Variants in RCOR1 observed in about 807,000 individuals in gnomAD.
The protein encoded by RCOR1 is REST corepressor.
In RCOR1, 12 loss-of-function variants were observed where a neutral mutation model predicts 64.0. That is an observed-to-expected ratio of 0.19 (90% CI 0.12 to 0.30). The LOEUF is 0.30. RCOR1 is among the 10% of genes least tolerant of loss of function. RCOR1 has a pLI of 1.00. For missense variants in RCOR1, 502 were observed against 621.2 expected, an observed-to-expected ratio of 0.81 and a Z score of 2.04; for synonymous variants, 279 against 227.2, an observed-to-expected ratio of 1.23 and a Z score of -2.05.
At chr14:102,622,239 A>G (rs1177201994) in intron 2 of RCOR1, among the ~76,000 whole-genome samples, 1 of 152,166 alleles carries the variant, frequency 6.6e-6, no homozygotes, top group Admixed American at 6.5e-5. Context: ...TAAAATCATA[A>G]CTAAAACCTG....
Position 102,708,470 on chromosome 14 carries a change from A to G in RCOR1, c.666A>G (p.Pro222=). Residue 222 remains proline (P), a synonymous_variant, in exon 6 of 12, where the codon CCA becomes CCG. Transcript: ENST00000262241. The part of the protein sequence containing the change: ...KTFHRIQQML[P]DKSIASLVKF... ...AACTCATTTTTTATGTTTAGCTTCC[A>G]GATAAATCTATAGCAAGTCTGGTGA... 3 of 1,491,812 alleles carry G rather than the reference A, an allele frequency of 2.0e-6. No homozygotes were observed. Among genetic ancestry groups the G allele is most frequent in the Non-Finnish European group, 2.8e-6 (3 of 1,070,194 alleles). The allele number at this position is 1,491,812 out of a possible 1,614,324, so 92.4% of individuals were successfully genotyped here.
intron 2 of RCOR1, among the ~76,000 whole-genome samples, chr14:102,632,568 C>T (rs1894137072): frequency 6.6e-6 from 1 of 151,874 alleles, no homozygotes; most frequent in Non-Finnish European, 1.5e-5. Flanking sequence ...CTTTTTTCCC[C>T]CCTGCAAGGG....
At chr14:102,613,625 G>T (rs1411494479) in intron 2 of RCOR1, among the ~76,000 whole-genome samples, 1 of 151,424 alleles carries the variant, frequency 6.6e-6, no homozygotes, top group Admixed American at 6.6e-5. Context: ...GTAGAGACGG[G>T]GTTTCACCAT....
At chr14:102,679,371 A>T (rs1895256262) in intron 2 of RCOR1, among the ~76,000 whole-genome samples, 1 of 152,134 alleles carries the variant, frequency 6.6e-6, no homozygotes, top group Non-Finnish European at 1.5e-5. Context: ...CATTTGTTGA[A>T]AAGATTATTA....
intron 7 of RCOR1, among the ~76,000 whole-genome samples, chr14:102,711,381 C>G (rs1440162848): frequency 1.3e-5 from 2 of 152,226 alleles, no homozygotes; most frequent in African/African-American, 4.8e-5. Flanking sequence ...TCTGCCCATC[C>G]TAGGCACCCA....
chr14:102,645,071 T>G (rs1894452738), intron 2 of RCOR1, among the ~76,000 whole-genome samples: 2 of 152,252 alleles, frequency 1.3e-5, no homozygotes, highest in Non-Finnish European at 2.9e-5. Context: ...GAAAATTTTG[T>G]GGGCTCTCTC....
intron 2 of RCOR1, among the ~76,000 whole-genome samples, chr14:102,648,186 C>A (rs544799740): frequency 6.6e-6 from 1 of 152,048 alleles, no homozygotes; most frequent in East Asian, 1.9e-4. Flanking sequence ...TCAGACAATT[C>A]TCCTGCCTCA....
chr14:102,595,745 A>C (rs756099690), intron 2 of RCOR1, among the ~76,000 whole-genome samples: 4 of 151,626 alleles, frequency 2.6e-5, no homozygotes, highest in Non-Finnish European at 5.9e-5. Flanking sequence ...ACTCCTGGCT[A>C]ATTTTTTGTA....
intron 3 of RCOR1, among the ~76,000 whole-genome samples, chr14:102,698,695 C>T (rs568151502): frequency 5.9e-5 from 9 of 152,276 alleles, no homozygotes; most frequent in African/African-American, 2.2e-4. Flanking sequence ...AGCTGGCCTG[C>T]TGTCTGTTTC....
At chr14:102,672,584 C>CTTTA in intron 2 of RCOR1, among the ~76,000 whole-genome samples, 1 of 152,266 alleles carries the variant, frequency 6.6e-6, no homozygotes, top group South Asian at 2.1e-4. Context: ...AATAATCTGA[C>CTTTA]TAAAAACAGG....
At chr14:102,635,011 T>C (rs1894208017) in intron 2 of RCOR1, among the ~76,000 whole-genome samples, 1 of 151,852 alleles carries the variant, frequency 6.6e-6, no homozygotes, top group South Asian at 2.1e-4. Context: ...CCTGGCCTTT[T>C]TTTAAAGAGA....
In RCOR1 at chr14:102,727,584, T is replaced by G. The variant is rs565527641; in HGVS notation, c.*1078T>G. On this transcript the variant is annotated 3_prime_UTR_variant, in exon 12 of 12. Transcript: ENST00000262241. Reference sequence around the variant, plus strand: ...CCGCGTTCTCTCGGTGTGCCTGGCCTTTTATGTGGCACTCTGTATGTCAGT... The same window carrying G: ...CCGCGTTCTCTCGGTGTGCCTGGCCGTTTATGTGGCACTCTGTATGTCAGT... 1.3e-5 allele frequency: 2 copies of G among 152,308 alleles called. No individual in the cohort carries two copies. Among genetic ancestry groups the G allele is most frequent in the South Asian group, 2.1e-4 (1 of 4,800 alleles). The allele number at this position is 152,308 out of a possible 1,614,324, so 9.4% of individuals were successfully genotyped here.
rs148615912 is a variant in RCOR1 at position 102,657,036 on chromosome 14, A to G, written c.362-24859A>G. On this transcript the variant is annotated intron_variant, in intron 2 of 11. Coordinates refer to ENST00000262241, the MANE Select transcript of RCOR1 (RefSeq NM_015156.4). ...GTGATCCACCCGCATCAGCCTCCCA[A>G]AGTGCTGGGATTATAAGCGTGAATC... 61 of 955,288 alleles carry G rather than the reference A, an allele frequency of 6.4e-5. No individual in the cohort carries two copies. The African/African-American group carries it at 9.9e-4, about 15-fold the overall frequency. 59.2% of individuals were successfully genotyped at this position (955,288 alleles called of 1,614,324 possible).
rs560502719 is a variant in RCOR1, at chr14:102,650,974, G to A, written c.362-30921G>A. ...TTCCTGTATTAGACAATGAGACTTA[G>A]ACTCATAATAGAATACAGGTATCTT... On this transcript the variant is annotated intron_variant, in intron 2 of 11. Transcript: ENST00000262241. The A allele has an allele frequency of 3.6e-6, 3 of 837,662 alleles. No homozygotes were observed. In the East Asian group the frequency reaches 3.7e-4, roughly 103 times the overall value. The allele number at this position is 837,662 out of a possible 1,614,324, so 51.9% of individuals were successfully genotyped here.
At chr14:102,617,597 T>C (rs1243429532) in intron 2 of RCOR1, among the ~76,000 whole-genome samples, 11 of 149,802 alleles carry the variant, frequency 7.3e-5, no homozygotes, top group African/African-American at 1.7e-4. Flanking sequence ...CTTTTTTTTT[T>C]TTTTTTTTTT....
In RCOR1 at chr14:102,710,886, G is replaced by A. The variant is rs142940774; in HGVS notation, c.780-49G>A. The A allele has an allele frequency of 2.5e-3, 3,361 of 1,335,754 alleles. 26 individuals are homozygous for A. Among genetic ancestry groups the A allele is most frequent in the African/African-American group, 0.019 (1,297 of 67,946 alleles). The allele number at this position is 1,335,754 out of a possible 1,614,324, so 82.7% of individuals were successfully genotyped here. ...TTAAATCAATTTATCGTTTGTATTC[G>A]GAAAATTAGTACAAAATAATCATTC... On this transcript the variant is annotated intron_variant, in intron 6 of 11. Transcript: ENST00000262241.
chr14:102,699,451 A>G (rs1421696159), intron 3 of RCOR1, among the ~76,000 whole-genome samples: 1 of 152,224 alleles, frequency 6.6e-6, no homozygotes, highest in Non-Finnish European at 1.5e-5. Flanking sequence ...TTTAGAATAC[A>G]TGCTTCTATA....
At chr14:102,710,667 A>G (rs1895938670) in intron 6 of RCOR1, 1 of 396,562 alleles carries the variant, frequency 2.5e-6, no homozygotes, top group Non-Finnish European at 4.5e-6. Context: ...ATAGAGCAAT[A>G]GTGTTTTAGA....
Position 102,593,290 on chromosome 14 carries a change from C to T in RCOR1, c.326C>T (p.Pro109Leu). Residue 109 changes from proline (P) to leucine (L), a missense_variant, in exon 2 of 12, where the codon CCC (proline) becomes CTC (leucine). Pro to Leu is a moderately conservative substitution (Grantham distance 98). This residue lies in a region of RCOR1 where 242 missense variants were observed against 204.9 expected (regional missense o/e 1.18). Transcript: ENST00000262241. ...GGTGGCGGTGGCATGAGGGTCGGAC[C>T]CCAGTACCAGGCGGTGGTGCCCGAC... ...EHGGGGMRVG[P>L]QYQAVVPDFD... is the part of the protein sequence containing the mutation. The T allele has an allele frequency of 6.5e-7, 1 of 1,549,030 alleles. No individual in the cohort carries two copies. The highest frequency in any genetic ancestry group is 8.7e-7 in the Non-Finnish European group (1 of 1,153,548).
Sources: gnomAD v4.1 joint callset for allele counts (sites outside exome capture counted in the v4.1 genomes callset) on GRCh38, gnomAD v4.1.1 for gene constraint, gnomAD v4.1.1 regional missense constraint, MANE v1.5 for transcripts, NCBI Gene and HGNC (gene_info 2026-07-23, HGNC 2026-07-21) for gene names.